The following NFIL3 variants were observed in gnomAD, a reference collection of about 807,000 sequenced individuals.
NFIL3 encodes nuclear factor interleukin-3-regulated protein.
A neutral mutation model predicts 10.0 loss-of-function variants in NFIL3; 5 were observed. The ratio of observed to expected loss-of-function variants is 0.50; its 90% CI spans 0.26 to 1.06. NFIL3 has a LOEUF of 1.06. NFIL3 is among the 50% of genes least tolerant of loss of function. The pLI is 0.13. For missense variants in NFIL3, 436 were observed against 547.6 expected, an observed-to-expected ratio of 0.80 and a Z score of 2.03; for synonymous variants, 202 against 206.5, an observed-to-expected ratio of 0.98 and a Z score of 0.19.
chr9:91,418,850 T>G (rs1173075254), intron 1 of NFIL3, among the ~76,000 whole-genome samples: 1 of 82,840 alleles, frequency 1.2e-5, no homozygotes, highest in East Asian at 2.6e-4. Flanking sequence ...GAAACAGTTT[T>G]GGGTGTTTTT....
the NFIL3 span, among the ~76,000 whole-genome samples, chr9:91,469,441 G>A: frequency 3.3e-5 from 5 of 152,138 alleles, no homozygotes; most frequent in African/African-American, 9.7e-5. Flanking sequence ...CTGAGACGAT[G>A]GGGCTTTCTA....
the NFIL3 span, among the ~76,000 whole-genome samples, chr9:91,454,300 A>C: frequency 6.6e-6 from 1 of 152,054 alleles, no homozygotes; most frequent in Non-Finnish European, 1.5e-5. Context: ...AAGCACAAGC[A>C]AACAAGGCAA....
At chr9:91,456,459 T>C in the NFIL3 span, among the ~76,000 whole-genome samples, 1 of 152,186 alleles carries the variant, frequency 6.6e-6, no homozygotes, top group Non-Finnish European at 1.5e-5. Flanking sequence ...TTGAAGTCTT[T>C]ATTTGATAAA....
the NFIL3 span, among the ~76,000 whole-genome samples, chr9:91,482,332 T>C: frequency 4.0e-5 from 6 of 148,488 alleles, no homozygotes; most frequent in Admixed American, 4.0e-4. Flanking sequence ...AAAACAGTGT[T>C]TGCCTCTGGT....
the NFIL3 span, among the ~76,000 whole-genome samples, chr9:91,444,957 G>C: frequency 6.6e-6 from 1 of 152,142 alleles, no homozygotes; most frequent in Non-Finnish European, 1.5e-5. Flanking sequence ...CCAGAGTCCT[G>C]GGCTGGGCTC....
At chr9:91,459,914 A>G in the NFIL3 span, among the ~76,000 whole-genome samples, 1 of 152,138 alleles carries the variant, frequency 6.6e-6, no homozygotes, top group Non-Finnish European at 1.5e-5. Flanking sequence ...TCCTTAGGCA[A>G]AGGCACACTG....
chr9:91,436,250 C>T, the NFIL3 span, among the ~76,000 whole-genome samples: 1 of 152,182 alleles, frequency 6.6e-6, no homozygotes, highest in African/African-American at 2.4e-5. Flanking sequence ...CCTGCATGAT[C>T]TCCATTTCTT....
chr9:91,482,498 C>A, the NFIL3 span, among the ~76,000 whole-genome samples: 1 of 151,736 alleles, frequency 6.6e-6, no homozygotes, highest in Non-Finnish European at 1.5e-5. Context: ...TACTGTCTAA[C>A]CAAAAAAAAT....
chr9:91,427,674 C>T (rs912179820), upstream of NFIL3, among the ~76,000 whole-genome samples: 2 of 151,982 alleles, frequency 1.3e-5, no homozygotes, highest in Non-Finnish European at 2.9e-5. Flanking sequence ...GGGTCTTGCT[C>T]TCTTGCCCAC....
At chr9:91,426,206 A>C (rs1348406170), upstream of NFIL3, 1 of 152,192 alleles carries the variant, frequency 6.6e-6, no homozygotes, top group Non-Finnish European at 1.5e-5. Flanking sequence ...ATATCTGTGC[A>C]TCATTCATTG....
At chr9:91,425,793 C>T (rs1003321747), upstream of NFIL3, among the ~76,000 whole-genome samples, 1 of 152,202 alleles carries the variant, frequency 6.6e-6, no homozygotes, top group Non-Finnish European at 1.5e-5. Flanking sequence ...CTCAAATTTA[C>T]TGATAGTTTC....
chr9:91,419,746 T>A (rs1249896000), intron 1 of NFIL3, among the ~76,000 whole-genome samples: 1 of 152,252 alleles, frequency 6.6e-6, no homozygotes, highest in Non-Finnish European at 1.5e-5. Context: ...TTCTGAAGAA[T>A]GATCAGTATC....
chr9:91,437,352 A>C, the NFIL3 span, among the ~76,000 whole-genome samples: 1 of 152,238 alleles, frequency 6.6e-6, no homozygotes, highest in South Asian at 2.1e-4. Flanking sequence ...TATATAACAA[A>C]ATTTGCCTGT....
At chr9:91,464,102 T>A in the NFIL3 span, among the ~76,000 whole-genome samples, 1 of 152,100 alleles carries the variant, frequency 6.6e-6, no homozygotes, top group African/African-American at 2.4e-5. Flanking sequence ...ACCAAAAATT[T>A]CTGTCTTTTT....
the NFIL3 span, among the ~76,000 whole-genome samples, chr9:91,456,466 T>C: frequency 6.6e-6 from 1 of 152,108 alleles, no homozygotes; most frequent in Non-Finnish European, 1.5e-5. Context: ...CTTTATTTGA[T>C]AAATATTTTA....
At chr9:91,449,474 C>T in the NFIL3 span, among the ~76,000 whole-genome samples, 1 of 151,946 alleles carries the variant, frequency 6.6e-6, no homozygotes, top group Non-Finnish European at 1.5e-5. Context: ...ATGTGGGTTT[C>T]CCCCTTCTTT....
the NFIL3 span, among the ~76,000 whole-genome samples, chr9:91,471,680 A>G: frequency 6.6e-6 from 1 of 151,972 alleles, no homozygotes; most frequent in Admixed American, 6.6e-5. Flanking sequence ...GTGTCTTTTA[A>G]TTGGAGCATT....
At chr9:91,457,749 G>T in the NFIL3 span, among the ~76,000 whole-genome samples, 2 of 152,114 alleles carry the variant, frequency 1.3e-5, no homozygotes, top group Admixed American at 1.3e-4. Context: ...AAATCTTTGT[G>T]TTGTTAATTT....
At chr9:91,413,864 C>T (rs928743062) in intron 1 of NFIL3, among the ~76,000 whole-genome samples, 1 of 152,018 alleles carries the variant, frequency 6.6e-6, no homozygotes, top group African/African-American at 2.4e-5. Flanking sequence ...TTTTCTCCAC[C>T]TGAGAATCTT....
Sources: gnomAD v4.1 joint callset for allele counts (sites outside exome capture counted in the v4.1 genomes callset) on GRCh38, gnomAD v4.1.1 for gene constraint, MANE v1.5 for transcripts, NCBI Gene and HGNC (gene_info 2026-07-23, HGNC 2026-07-21) for gene names.